Variants in GLIS1 observed in about 807,000 individuals in gnomAD.
GLIS1 encodes the protein zinc finger protein GLIS1.
Under a neutral mutation model 63.8 loss-of-function variants are expected in GLIS1, and 24 were observed. That is an observed-to-expected ratio of 0.38 (90% CI 0.27 to 0.53). The LOEUF (loss-of-function observed/expected upper bound fraction) is 0.53. GLIS1 is among the 20% of genes least tolerant of loss of function. The probability of loss-of-function intolerance (pLI) is 0.85; values close to 1 mark genes in which losing one functional copy is unlikely to be tolerated. For missense variants in GLIS1, 1,036 were observed against 1,074.1 expected, an observed-to-expected ratio of 0.96 and a Z score of 0.50; for synonymous variants, 450 against 482.5, an observed-to-expected ratio of 0.93 and a Z score of 0.88.
intron 2 of GLIS1, among the ~76,000 whole-genome samples, chr1:53,735,411 A>C (rs780886290): frequency 6.6e-6 from 1 of 152,180 alleles, no homozygotes; most frequent in African/African-American, 2.4e-5. Context: ...CAAGGTAGGC[A>C]CCATTACCTC....
At chr1:53,700,423 T>G (rs1484680691) in intron 2 of GLIS1, among the ~76,000 whole-genome samples, 1 of 152,118 alleles carries the variant, frequency 6.6e-6, no homozygotes, top group Non-Finnish European at 1.5e-5. Context: ...ATCTGTGAAG[T>G]GCATACATCT....
chr1:53,585,616 C>G (rs1645127273), intron 4 of GLIS1, among the ~76,000 whole-genome samples: 1 of 152,054 alleles, frequency 6.6e-6, no homozygotes, highest in Admixed American at 6.6e-5. Context: ...AGGAGGGCAT[C>G]CAGCAAAGCT....
In GLIS1 at chr1:53,637,610, A is replaced by G. The variant is rs12409686; in HGVS notation, c.260-37332T>C. On this transcript the variant is annotated intron_variant, in intron 2 of 10. Coordinates refer to ENST00000628545, the MANE Select transcript of GLIS1 (RefSeq NM_001367484.1). ...GGGAAGAAAAGTACACATACGGCTG[A>G]TTTGCTGCTCATTTTCACCCATAAC... 2.2e-3 allele frequency among the ~76,000 whole-genome samples: 337 copies of G among 152,234 alleles called. 7 individuals are homozygous for G. The highest frequency in any genetic ancestry group is 0.017 in the Admixed American group (260 of 15,302).
chr1:53,507,448 G>A (rs753333776), intron 10 of GLIS1, among the ~76,000 whole-genome samples: 1 of 152,320 alleles, frequency 6.6e-6, no homozygotes, highest in Admixed American at 6.5e-5. Context: ...TCTCCAGGGT[G>A]GGGCCACCGC....
At chr1:53,585,973 T>C (rs552336564) in intron 4 of GLIS1, among the ~76,000 whole-genome samples, 10 of 152,346 alleles carry the variant, frequency 6.6e-5, no homozygotes, top group African/African-American at 2.4e-4. Flanking sequence ...GCATGGCTAG[T>C]GAGCAGCAGA....
intron 5 of GLIS1, among the ~76,000 whole-genome samples, chr1:53,528,175 G>A (rs1644491606): frequency 6.6e-6 from 1 of 152,184 alleles, no homozygotes; most frequent in African/African-American, 2.4e-5. Flanking sequence ...GACAAAGGCA[G>A]GGAGATCTGC....
chr1:53,592,622 T>C (rs1314472913), intron 4 of GLIS1, among the ~76,000 whole-genome samples: 1 of 152,142 alleles, frequency 6.6e-6, no homozygotes, highest in Non-Finnish European at 1.5e-5. Flanking sequence ...AGCCAGAGCA[T>C]CGCCAGGGGC....
intron 2 of GLIS1, among the ~76,000 whole-genome samples, chr1:53,663,442 A>T (rs938338019): frequency 6.6e-6 from 1 of 152,182 alleles, no homozygotes; most frequent in Non-Finnish European, 1.5e-5. Flanking sequence ...TCCGTGAGTT[A>T]TCTCATTTCA....
chr1:53,601,530 G>A (rs1031206075), intron 2 of GLIS1, among the ~76,000 whole-genome samples: 4 of 152,142 alleles, frequency 2.6e-5, no homozygotes, highest in African/African-American at 4.8e-5. Context: ...AGCATCTGCC[G>A]AGCAGCCTGT....
chr1:53,695,284 G>A (rs780872608), intron 2 of GLIS1, among the ~76,000 whole-genome samples: 11 of 152,360 alleles, frequency 7.2e-5, no homozygotes, highest in Middle Eastern at 3.4e-3. Context: ...AGGGGAGTGA[G>A]AGGCCTCCAA....
intron 6 of GLIS1, among the ~76,000 whole-genome samples, chr1:53,522,825 G>A (rs898294423): frequency 6.6e-6 from 1 of 151,892 alleles, no homozygotes; most frequent in Non-Finnish European, 1.5e-5. Context: ...GAGGCAGGAG[G>A]ATCACTTGAG....
chr1:53,519,451 T>C (rs1383644995), intron 7 of GLIS1, among the ~76,000 whole-genome samples: 3 of 152,160 alleles, frequency 2.0e-5, no homozygotes, highest in Non-Finnish European at 4.4e-5. Context: ...AAACAAAAAA[T>C]GTTGAAAATG....
At position 53,594,262 on chromosome 1, in the gene GLIS1, C is replaced by G; in HGVS notation, c.1166G>C (p.Arg389Pro). 6.8e-6 allele frequency: 11 copies of G among 1,613,504 alleles called. No homozygotes were observed. The highest frequency in any genetic ancestry group is 9.3e-6 in the Non-Finnish European group (11 of 1,179,964). Reference sequence around the variant, plus strand: ...GTCGATGTGGCTCTTCTCGATGTGCCGCACCAGCTCCTCCTGCTGCTCATA... The same window carrying G: ...GTCGATGTGGCTCTTCTCGATGTGCGGCACCAGCTCCTCCTGCTGCTCATA... Reference protein sequence around the residue: ...AAYEQQEELVRHIEKSHIDQR... With the variant: ...AAYEQQEELVPHIEKSHIDQR... Residue 389 changes from arginine to proline, a missense_variant, in exon 4 of 11, where the codon CGG becomes CCG. Coordinates refer to ENST00000628545, the MANE Select transcript of GLIS1 (RefSeq NM_001367484.1).
chr1:53,523,134 G>A (rs1021119108), intron 6 of GLIS1, among the ~76,000 whole-genome samples: 6 of 151,928 alleles, frequency 3.9e-5, no homozygotes, highest in East Asian at 1.9e-4. Context: ...TGAGATACAG[G>A]ATATGAAGCC....
intron 2 of GLIS1, among the ~76,000 whole-genome samples, chr1:53,633,869 C>T (rs531636770): frequency 6.6e-6 from 1 of 152,270 alleles, no homozygotes; most frequent in East Asian, 1.9e-4. Context: ...ACTTTGGCCA[C>T]TGTGCCAATG....
chr1:53,668,869 T>G (rs551462316), intron 2 of GLIS1, among the ~76,000 whole-genome samples: 115 of 152,256 alleles, frequency 7.6e-4, no homozygotes, highest in African/African-American at 2.8e-3. Flanking sequence ...CACTGGGCAA[T>G]GCATGACTCT....
chr1:53,674,086 C>T (rs1167054446), intron 2 of GLIS1, among the ~76,000 whole-genome samples: 1 of 150,092 alleles, frequency 6.7e-6, no homozygotes, highest in East Asian at 2.0e-4. Context: ...GCACAAGAAT[C>T]GCTTGAACCT....
chr1:53,685,495 C>G (rs964146198), intron 2 of GLIS1, among the ~76,000 whole-genome samples: 17 of 152,238 alleles, frequency 1.1e-4, no homozygotes, highest in African/African-American at 3.6e-4. Flanking sequence ...CTTTGATCTG[C>G]TGCATTTTCT....
In GLIS1 at chr1:53,523,615, G is replaced by A. The variant is rs189822170; in HGVS notation, c.1593+1162C>T. ...CTTTCACTCCCACACCCTCCCTGGC[G>A]CTCAAGGACCCTCACTCCCTGGCCC... On this transcript the variant is annotated intron_variant, in intron 6 of 10. Coordinates refer to ENST00000628545, the MANE Select transcript of GLIS1 (RefSeq NM_001367484.1). Among the ~76,000 whole-genome samples the A allele has an allele frequency of 5.4e-3, 818 of 152,218 alleles. 3 individuals are homozygous for A. Among genetic ancestry groups the A allele is most frequent in the Middle Eastern group, 0.017 (5 of 294 alleles).
Sources: allele counts gnomAD v4.1 joint callset (sites outside exome capture counted in the v4.1 genomes callset), GRCh38; gene constraint gnomAD v4.1.1; transcripts MANE v1.5; gene names NCBI Gene and HGNC (gene_info 2026-07-23, HGNC 2026-07-21).